Variants in LDHAL6A observed in about 807,000 individuals in gnomAD.
The protein encoded by LDHAL6A is L-lactate dehydrogenase A-like 6A.
A neutral mutation model predicts 28.2 loss-of-function variants in LDHAL6A; 19 were observed. The observed-to-expected ratio is 0.67, with a 90% CI of 0.47 to 0.99. The LOEUF (loss-of-function observed/expected upper bound fraction) is 0.99. Ranked by LOEUF, LDHAL6A falls within the 50% of genes least tolerant of loss-of-function variation. LDHAL6A has a pLI of 0.00. For synonymous variants in LDHAL6A, 144 were observed against 134.4 expected, an observed-to-expected ratio of 1.07 and a Z score of -0.49; for missense variants, 372 against 398.6, an observed-to-expected ratio of 0.93 and a Z score of 0.57.
Position 18,478,924 on chromosome 11 carries a change from G to T in LDHAL6A, c.*54G>T. 7.2e-7 allele frequency: 1 copy of T among 1,397,672 alleles called. No homozygotes were observed. The highest frequency in any genetic ancestry group is 2.1e-5 in the Admixed American group (1 of 47,286). The allele number at this position is 1,397,672 out of a possible 1,614,324, so 86.6% of individuals were successfully genotyped here. A position where few individuals can be genotyped will look rare whatever the true frequency, so the allele number is the denominator to read the frequency against. ...AAGATGAAATAGTAGTTATGGAATT[G>T]TATATGTCAAACTTTTGAATAAATT... On this transcript the variant is annotated 3_prime_UTR_variant, in exon 7 of 7. Coordinates refer to ENST00000280706, the MANE Select transcript of LDHAL6A (RefSeq NM_144972.5).
chr11:18,464,670 G>T lies in LDHAL6A; in HGVS notation c.244+592G>T, dbSNP rs1238098379. On this transcript the variant is annotated intron_variant, in intron 2 of 6. Coordinates refer to ENST00000280706, the MANE Select transcript of LDHAL6A (RefSeq NM_144972.5). ...GTGGAGGTTGTGGTGAGCCAAGATC[G>T]TGCCATTGCATTCTAGCCTGGGCAA... 2.0e-5 allele frequency among the ~76,000 whole-genome samples: 3 copies of T among 151,514 alleles called. 1 individual carries two copies. In the South Asian group the frequency reaches 6.3e-4, roughly 32 times the overall value.
intron 3 of LDHAL6A, among the ~76,000 whole-genome samples, chr11:18,471,726 AC>A (rs1163324969): frequency 1.4e-5 from 2 of 147,504 alleles, no homozygotes; most frequent in Admixed American, 6.8e-5. Flanking sequence ...GGAGTTCAAG[AC>A]CAGCCTGGGC....
chr11:18,463,909 C>T (rs1848984438), intron 1 of LDHAL6A, 52 bp from the exon 2 acceptor site: 1 of 1,131,306 alleles, frequency 8.8e-7, no homozygotes, highest in South Asian at 1.3e-5. Flanking sequence ...CTTTCATTCT[C>T]CAGTTAATCA....
intron 3 of LDHAL6A, chr11:18,469,292 C>T (rs1266773633): frequency 2.2e-5 from 11 of 510,304 alleles, no homozygotes; most frequent in South Asian, 5.9e-5. Flanking sequence ...TGCACTAAAA[C>T]GCCTCTACCC....
chr11:18,456,781 C>T lies in LDHAL6A; in HGVS notation c.101C>T (p.Ala34Val). Residue 34 changes from alanine to valine, a missense_variant, in exon 1 of 7, where the codon GCT (alanine) becomes GTT (valine). Coordinates refer to ENST00000280706, the MANE Select transcript of LDHAL6A (RefSeq NM_144972.5). ...SIVGTGSVGV[A>V]CAISILLKGL... ...GTAGGAACTGGATCGGTTGGTGTGG[C>T]TTGTGCTATCAGCATCTTATTAAAA... 6.2e-7 allele frequency: 1 copy of T among 1,613,484 alleles called. No individual in the cohort carries two copies. The highest frequency in any genetic ancestry group is 8.5e-7 in the Non-Finnish European group (1 of 1,179,870).
chr11:18,462,433 C>G (rs953550867), intron 1 of LDHAL6A, among the ~76,000 whole-genome samples: 63 of 151,526 alleles, frequency 4.2e-4, no homozygotes, highest in Non-Finnish European at 8.7e-4. Flanking sequence ...GTCAGGAGAT[C>G]AAGACCATCC....
At chr11:18,464,621 A>G (rs1473121052) in intron 2 of LDHAL6A, among the ~76,000 whole-genome samples, 1 of 152,046 alleles carries the variant, frequency 6.6e-6, no homozygotes, top group African/African-American at 2.4e-5. Context: ...AGGCTGAGGC[A>G]GGAGAATCGC....
intron 4 of LDHAL6A, among the ~76,000 whole-genome samples, chr11:18,476,009 A>G (rs1849371614): frequency 6.6e-6 from 1 of 152,308 alleles, no homozygotes; most frequent in South Asian, 2.1e-4. Context: ...TGAAGATATA[A>G]GAAGGAAGAG....
intron 1 of LDHAL6A, among the ~76,000 whole-genome samples, chr11:18,460,444 C>A (rs141712864): frequency 1.3e-5 from 2 of 151,386 alleles, no homozygotes; most frequent in African/African-American, 2.4e-5. Context: ...ATATAAAAAA[C>A]TAGCTGGGCA....
Position 18,479,505 on chromosome 11 carries a change from G to GCTAT in LDHAL6A, c.*638_*641dup, listed in dbSNP as rs1046726358. The stretch of plus-strand genomic sequence containing the variant: ...GCTTAATACCTATGTTCATTTACAT[G>GCTAT]CTATCTCTACAATGTAAAAATAAAA... On this transcript the variant is annotated 3_prime_UTR_variant, in exon 7 of 7. Coordinates refer to ENST00000280706, the MANE Select transcript of LDHAL6A (RefSeq NM_144972.5). 8 of 151,844 alleles carry GCTAT rather than the reference G, an allele frequency of 5.3e-5. No homozygotes were observed. Among genetic ancestry groups the GCTAT allele is most frequent in the African/African-American group, 1.7e-4 (7 of 41,368 alleles). The allele number at this position is 151,844 out of a possible 1,614,324, so 9.4% of individuals were successfully genotyped here. A position where few individuals can be genotyped will look rare whatever the true frequency, so the allele number is the denominator to read the frequency against.
intron 1 of LDHAL6A, among the ~76,000 whole-genome samples, chr11:18,462,671 A>C (rs951161215): frequency 6.0e-5 from 9 of 149,192 alleles, no homozygotes; most frequent in Admixed American, 3.3e-4. Flanking sequence ...AAAAAACAAA[A>C]AAAACCCAAA....
chr11:18,475,626 T>C lies in LDHAL6A; in HGVS notation c.579T>C (p.His193=), dbSNP rs762313876. The C allele has an allele frequency of 6.2e-6, 10 of 1,613,148 alleles. No homozygotes were observed. Among genetic ancestry groups the C allele is most frequent in the African/African-American group, 1.3e-5 (1 of 74,908 alleles). The change falls in exon 4 of 7, where the codon CAT becomes CAC. Residue 193 remains histidine (H), a synonymous_variant. Transcript: ENST00000280706. ...GTCATGGGCTGATCCTTGGAGAGCATGGCGACTCAAGTGGTAAGCCTGAGG... is the reference window on the plus strand; with the variant it reads ...GTCATGGGCTGATCCTTGGAGAGCACGGCGACTCAAGTGGTAAGCCTGAGG... The part of the protein sequence containing the change: ...ESCHGLILGE[H]GDSSVPVWSG...
chr11:18,467,880 CATATATATATATAT>C (rs1161164040), intron 3 of LDHAL6A, among the ~76,000 whole-genome samples: 9 of 44,454 alleles, frequency 2.0e-4, no homozygotes, highest in Admixed American at 6.5e-4. Context: ...TATATACACA[CATATATATATATAT>C]ATATATATAT....
chr11:18,465,001 T>TTTTTTTTTTTTTTTTTTTTTTTTG (rs1849025165), intron 2 of LDHAL6A, among the ~76,000 whole-genome samples: 6 of 144,416 alleles, frequency 4.2e-5, no homozygotes, highest in African/African-American at 1.6e-4. Context: ...TGTTTTGTTT[T>TTTTTTTTTTTTTTTTTTTTTTTTG]GGTTTGTTTT....
chr11:18,457,410 TAA>T (rs1446825766), intron 1 of LDHAL6A, among the ~76,000 whole-genome samples: 2 of 152,258 alleles, frequency 1.3e-5, no homozygotes, highest in Admixed American at 6.5e-5. Flanking sequence ...TAATAAATCA[TAA>T]GACACTCTGA....
At chr11:18,468,290 T>C (rs1291721941) in intron 3 of LDHAL6A, 1 of 151,364 alleles carries the variant, frequency 6.6e-6, no homozygotes, top group Non-Finnish European at 1.5e-5. Flanking sequence ...TGAATGTCTT[T>C]CAGTTTATAC....
intron 1 of LDHAL6A, among the ~76,000 whole-genome samples, chr11:18,459,852 T>C (rs1848851429): frequency 1.3e-5 from 2 of 152,150 alleles, no homozygotes; most frequent in Admixed American, 1.3e-4. Flanking sequence ...TTCTGAGGAG[T>C]ACTAGTCAAG....
rs768422363 is a variant in LDHAL6A at position 18,478,904 on chromosome 11, G to T, written c.*34G>T. The T allele has an allele frequency of 5.9e-6, 9 of 1,532,844 alleles. No individual in the cohort carries two copies. In the African/African-American group the frequency reaches 1.2e-4, roughly 21 times the overall value. 95.0% of individuals were successfully genotyped at this position (1,532,844 alleles called of 1,614,324 possible). A position where few individuals can be genotyped will look rare whatever the true frequency, so the allele number is the denominator to read the frequency against. ...AAAGCTAATTCTGTAGATTGAAGAT[G>T]AAATAGTAGTTATGGAATTGTATAT... On this transcript the variant is annotated 3_prime_UTR_variant, in exon 7 of 7. Coordinates refer to ENST00000280706, the MANE Select transcript of LDHAL6A (RefSeq NM_144972.5).
chr11:18,456,880 G>A, intron 1 of LDHAL6A, 74 bp downstream of exon 1: 1 of 1,500,702 alleles, frequency 6.7e-7, no homozygotes, highest in Non-Finnish European at 9.0e-7. Flanking sequence ...TGTGGAGGTT[G>A]TGTCCAGTTC....
Sources: gnomAD v4.1 joint callset for allele counts (sites outside exome capture counted in the v4.1 genomes callset) on GRCh38, gnomAD v4.1.1 for gene constraint, MANE v1.5 for transcripts, NCBI Gene and HGNC (gene_info 2026-07-23, HGNC 2026-07-21) for gene names.